GALNTL5: variants seen among roughly 807,000 people sequenced by gnomAD.
GALNTL5 encodes inactive polypeptide N-acetylgalactosaminyltransferase-like protein 5.
A neutral mutation model predicts 51.0 loss-of-function variants in GALNTL5; 44 were observed. That is an observed-to-expected ratio of 0.86 (90% confidence interval 0.68 to 1.11). The LOEUF is 1.11. GALNTL5 is among the 50% of genes least tolerant of loss of function. The pLI is 0.00. For missense variants in GALNTL5, 528 were observed against 531.8 expected (o/e 0.99, Z 0.07); for synonymous variants, 192 against 182.8 (o/e 1.05, Z -0.41).
intron 3 of GALNTL5, among the ~76,000 whole-genome samples, chr7:151,976,354 G>A (rs2081205022): frequency 6.6e-6 from 1 of 152,048 alleles, no homozygotes; most frequent in East Asian, 1.9e-4. Flanking sequence ...GATGAAAGGG[G>A]CCCCTTATCA....
At position 151,967,630 on chromosome 7, in the gene GALNTL5, A is replaced by G. The variant is rs139415522; in HGVS notation, c.247+137A>G. ...ATATAAATTATTTTATATAGTGTATATATCTATACATAGAAAATAATAAAA... is the reference window on the plus strand; with the variant it reads ...ATATAAATTATTTTATATAGTGTATGTATCTATACATAGAAAATAATAAAA... On this transcript the variant is annotated intron_variant, in intron 2 of 8. Coordinates refer to ENST00000392800, the MANE Select transcript of GALNTL5 (RefSeq NM_145292.4). 2.2e-3 allele frequency: 1,222 copies of G among 545,264 alleles called. 15 individuals are homozygous for G. Among genetic ancestry groups the G allele is most frequent in the African/African-American group, 0.017 (878 of 53,124 alleles). The allele number at this position is 545,264 out of a possible 1,614,324, so 33.8% of individuals were successfully genotyped here.
chr7:151,957,035 G>A (rs926200942), intron 1 of GALNTL5, among the ~76,000 whole-genome samples: 2 of 151,772 alleles, frequency 1.3e-5, no homozygotes, highest in East Asian at 1.9e-4. Context: ...AACTGGGCAC[G>A]GCAGCTGGCA....
At chr7:152,002,151 G>C (rs1254522285) in intron 5 of GALNTL5, among the ~76,000 whole-genome samples, 1 of 152,024 alleles carries the variant, frequency 6.6e-6, no homozygotes, top group African/African-American at 2.4e-5. Context: ...ATGTTGGCAG[G>C]CACCTGTAAT....
intron 3 of GALNTL5, among the ~76,000 whole-genome samples, chr7:151,972,959 C>A (rs1460332927): frequency 1.3e-5 from 2 of 152,138 alleles, no homozygotes; most frequent in Non-Finnish European, 2.9e-5. Flanking sequence ...TTCCTTCAGA[C>A]CCCAGAATGG....
chr7:152,002,239 C>T (rs555274108), intron 5 of GALNTL5, among the ~76,000 whole-genome samples: 25 of 151,682 alleles, frequency 1.6e-4, no homozygotes, highest in South Asian at 2.1e-4. Context: ...AATATCATGC[C>T]ACTGCACTCC....
At chr7:152,003,789 A>T (rs1003387374) in intron 6 of GALNTL5, among the ~76,000 whole-genome samples, 1 of 152,242 alleles carries the variant, frequency 6.6e-6, no homozygotes, top group Non-Finnish European at 1.5e-5. Flanking sequence ...CCAATTACAC[A>T]AACTTGGTTT....
chr7:152,008,458 T>TGTGTG (rs2081681382), intron 7 of GALNTL5, among the ~76,000 whole-genome samples: 1 of 151,858 alleles, frequency 6.6e-6, no homozygotes, highest in Non-Finnish European at 1.5e-5. Context: ...TTATTTCTGA[T>TGTGTG]GTATGGTATA....
intron 5 of GALNTL5, among the ~76,000 whole-genome samples, chr7:152,001,007 G>C (rs566587456): frequency 6.7e-6 from 1 of 149,680 alleles, no homozygotes; most frequent in Non-Finnish European, 1.5e-5. Flanking sequence ...CTGGGGTCAA[G>C]TGATTCTCCT....
rs1402936438 is a variant in GALNTL5 at position 152,002,763 on chromosome 7, G to A, written c.708G>A (p.Trp236Ter). ...LDSHCEVNRV[W>*]LEPLLHAIAK... is the part of the protein sequence containing the mutation. ...GCCACTGTGAGGTGAACAGAGTATGGCTGGAGCCCCTGCTGCATGCCATTG... is the reference window on the plus strand; with the variant it reads ...GCCACTGTGAGGTGAACAGAGTATGACTGGAGCCCCTGCTGCATGCCATTG... The change falls in exon 6 of 9, where the codon TGG becomes TGA. Residue 236 changes from tryptophan to a stop codon, truncating the protein, a stop_gained. Coordinates refer to ENST00000392800, the MANE Select transcript of GALNTL5 (RefSeq NM_145292.4). LOFTEE classifies it high-confidence loss of function. 2 of 1,614,016 alleles carry A rather than the reference G, an allele frequency of 1.2e-6. No homozygotes were observed. The highest frequency in any genetic ancestry group is 3.3e-5 in the Admixed American group (2 of 60,002).
In GALNTL5 at chr7:151,978,193, G is replaced by T. The variant is rs901166477; in HGVS notation, c.369-4793G>T. On this transcript the variant is annotated intron_variant, in intron 3 of 8. Coordinates refer to ENST00000392800, the MANE Select transcript of GALNTL5 (RefSeq NM_145292.4). ...ATTTAAATTTTAGCCATATCTCTTA[G>T]ATTTAACATGATAGGCTTTCATTTT... Among the ~76,000 whole-genome samples, 8 of 152,140 alleles carry T rather than the reference G, an allele frequency of 5.3e-5. No homozygotes were observed. In the South Asian group the frequency reaches 1.7e-3, roughly 32 times the overall value.
chr7:151,998,165 C>T lies in GALNTL5; in HGVS notation c.659-4549C>T, dbSNP rs2081524449. ...TGGAGGTTATAGTGAGCTATAATAG[C>T]ACCACTCCACTCCAGCCTGGGCAAC... On this transcript the variant is annotated intron_variant, in intron 5 of 8. Coordinates refer to ENST00000392800, the MANE Select transcript of GALNTL5 (RefSeq NM_145292.4). 2.6e-5 allele frequency among the ~76,000 whole-genome samples: 4 copies of T among 152,154 alleles called. No homozygotes were observed. The South Asian group carries it at 6.2e-4, about 24-fold the overall frequency.
At chr7:151,964,794 C>T (rs531039752) in intron 1 of GALNTL5, among the ~76,000 whole-genome samples, 6 of 152,150 alleles carry the variant, frequency 3.9e-5, no homozygotes, top group Admixed American at 2.0e-4. Context: ...CCCAGGGAGC[C>T]GCCTGCCTTA....
chr7:151,980,431 G>A (rs149568591), intron 3 of GALNTL5, among the ~76,000 whole-genome samples: 1 of 152,180 alleles, frequency 6.6e-6, no homozygotes, highest in Non-Finnish European at 1.5e-5. Context: ...CCCACTCACC[G>A]TTACAGACCC....
chr7:152,014,790 T>C lies in GALNTL5; in HGVS notation c.1173T>C (p.Tyr391=), dbSNP rs1318049070. 3 of 1,608,236 alleles carry C rather than the reference T, an allele frequency of 1.9e-6. No individual in the cohort carries two copies. Among genetic ancestry groups the C allele is most frequent in the Non-Finnish European group, 1.7e-6 (2 of 1,177,942 alleles). Residue 391 remains tyrosine (Y), a synonymous_variant, in exon 8 of 9, where the codon TAT becomes TAC. Transcript: ENST00000392800. The stretch of plus-strand genomic sequence containing the variant: ...TGGTGCACGTTTGGCTGGATGAATA[T>C]AAGGTGGGGAACACATCCTTGACTT... ...LRLVHVWLDE[Y]KEQFFLRKPG... is the part of the protein sequence containing the mutation.
At chr7:151,986,188 G>T (rs143389092) in intron 4 of GALNTL5, among the ~76,000 whole-genome samples, 1 of 152,068 alleles carries the variant, frequency 6.6e-6, no homozygotes, top group Non-Finnish European at 1.5e-5. Flanking sequence ...TAAGACTCTC[G>T]TGGTTCGATA....
intron 8 of GALNTL5, among the ~76,000 whole-genome samples, chr7:152,017,847 T>C (rs2081838614): frequency 6.6e-6 from 1 of 152,146 alleles, no homozygotes; most frequent in Non-Finnish European, 1.5e-5. Flanking sequence ...AGAATTCTTT[T>C]TTTTTTTCTT....
intron 1 of GALNTL5, chr7:151,960,621 C>T (rs886774061): frequency 6.6e-6 from 1 of 152,530 alleles, no homozygotes; most frequent in African/African-American, 2.4e-5. Flanking sequence ...CCAGAAGAGA[C>T]TCCACCCACC....
chr7:151,975,073 A>T (rs1046388621), intron 3 of GALNTL5, among the ~76,000 whole-genome samples: 5 of 152,156 alleles, frequency 3.3e-5, no homozygotes, highest in African/African-American at 9.7e-5. Context: ...TACTTTTTTT[A>T]AAAAATGTAA....
At chr7:151,976,674 A>G (rs1016893391) in intron 3 of GALNTL5, among the ~76,000 whole-genome samples, 1 of 151,860 alleles carries the variant, frequency 6.6e-6, no homozygotes, top group Non-Finnish European at 1.5e-5. Context: ...ACTTTTATAT[A>G]TATATATTTT....
Sources: allele counts gnomAD v4.1 joint callset (sites outside exome capture counted in the v4.1 genomes callset), GRCh38; gene constraint gnomAD v4.1.1; transcripts MANE v1.5; gene names NCBI Gene and HGNC (gene_info 2026-07-23, HGNC 2026-07-21).